The following ABCG2 variants were observed in gnomAD, a reference collection of about 807,000 sequenced individuals.
The protein encoded by ABCG2 is ATP binding cassette subfamily G member 2 (JR blood group), also known as broad substrate specificity ATP-binding cassette transporter ABCG2.
A neutral mutation model predicts 73.5 loss-of-function variants in ABCG2; 80 were observed. That is an observed-to-expected ratio of 1.09 (90% CI 0.91 to 1.31). The LOEUF (loss-of-function observed/expected upper bound fraction) is 1.31. Ranked by LOEUF, ABCG2 falls within the 50% of genes most tolerant of loss-of-function variation. The probability of loss-of-function intolerance (pLI) is 0.00; values close to 1 mark genes in which losing one functional copy is unlikely to be tolerated. For synonymous variants in ABCG2, 269 were observed against 282.4 expected, an observed-to-expected ratio of 0.95 and a Z score of 0.48; for missense variants, 796 against 786.2, an observed-to-expected ratio of 1.01 and a Z score of -0.15.
chr4:88,160,393 A>G (rs991475458), upstream of ABCG2, among the ~76,000 whole-genome samples: 1 of 152,194 alleles, frequency 6.6e-6, no homozygotes, highest in African/African-American at 2.4e-5. Context: ...ATGATACCAG[A>G]AAAAATGAAA....
intron 1 of ABCG2, among the ~76,000 whole-genome samples, chr4:88,207,896 T>A (rs572631618): frequency 6.6e-6 from 1 of 152,328 alleles, no homozygotes; most frequent in Non-Finnish European, 1.5e-5. Flanking sequence ...GATATTTTTG[T>A]TGGCTGAAAA....
chr4:88,097,593 C>T lies in ABCG2; in HGVS notation c.1507G>A (p.Ala503Thr). Residue 503 changes from alanine (A) to threonine (T), a missense_variant, in exon 13 of 16, where the codon GCA (alanine) becomes ACA (threonine). By Grantham distance (58) the Ala-to-Thr change is moderately conservative (BLOSUM62 0). Coordinates refer to ENST00000237612, the MANE Select transcript of ABCG2 (RefSeq NM_004827.3). Reference protein sequence around the residue: ...VYFMLGLKPKADAFFVMMFTL... With the variant: ...VYFMLGLKPKTDAFFVMMFTL... ...AACATCATAACGAAGAAGGCATCTG[C>T]CTTTGGCTTCAATCCTTAGTCAGAA... 1 of 1,613,942 alleles carries T rather than the reference C, an allele frequency of 6.2e-7. No homozygotes were observed. Among genetic ancestry groups the T allele is most frequent in the East Asian group, 2.2e-5 (1 of 44,856 alleles).
intron 1 of ABCG2, among the ~76,000 whole-genome samples, chr4:88,185,636 T>C (rs1437093845): frequency 6.6e-6 from 1 of 151,952 alleles, no homozygotes; most frequent in Non-Finnish European, 1.5e-5. Context: ...CCAGAATGTA[T>C]AAGGAACTGA....
chr4:88,223,439 C>T (rs1233423030), intron 1 of ABCG2, among the ~76,000 whole-genome samples: 1 of 152,124 alleles, frequency 6.6e-6, no homozygotes, highest in Non-Finnish European at 1.5e-5. Flanking sequence ...ACAGTGAGTT[C>T]TCATGAGATC....
At chr4:88,112,907 C>CT (rs1410746363) in intron 9 of ABCG2, among the ~76,000 whole-genome samples, 7 of 152,076 alleles carry the variant, frequency 4.6e-5, no homozygotes, top group African/African-American at 9.7e-5. Flanking sequence ...CCCACGAGTT[C>CT]AAGACCAGCC....
At chr4:88,122,430 C>T (rs2110023780) in intron 5 of ABCG2, among the ~76,000 whole-genome samples, 1 of 152,320 alleles carries the variant, frequency 6.6e-6, no homozygotes, top group South Asian at 2.1e-4. Flanking sequence ...GCTTGAAATT[C>T]TTACTGCCAG....
At chr4:88,152,156 G>C (rs1204749313) in intron 1 of ABCG2, among the ~76,000 whole-genome samples, 1 of 152,144 alleles carries the variant, frequency 6.6e-6, no homozygotes, top group Admixed American at 6.5e-5. Flanking sequence ...GCTCACATAT[G>C]CATTATTTGT....
At chr4:88,197,057 C>G (rs1728962030) in intron 1 of ABCG2, among the ~76,000 whole-genome samples, 1 of 151,890 alleles carries the variant, frequency 6.6e-6, no homozygotes, top group Non-Finnish European at 1.5e-5. Flanking sequence ...CCTAGGGGCA[C>G]AGGCTTACTA....
intron 9 of ABCG2, 97 bp from the exon 10 acceptor site, chr4:88,107,363 T>G (rs1722835274): frequency 2.5e-6 from 2 of 811,924 alleles, no homozygotes; most frequent in African/African-American, 3.5e-5. Flanking sequence ...GGTTACATAA[T>G]CAGATCTCTC....
chr4:88,102,238 T>C (rs1227422168), intron 10 of ABCG2, among the ~76,000 whole-genome samples: 1 of 152,202 alleles, frequency 6.6e-6, no homozygotes, highest in East Asian at 1.9e-4. Context: ...AAAAATCTAA[T>C]TTGTGTATCG....
intron 1 of ABCG2, among the ~76,000 whole-genome samples, chr4:88,155,177 T>C (rs994372028): frequency 2.6e-5 from 4 of 152,156 alleles, no homozygotes; most frequent in Admixed American, 2.6e-4. Context: ...TGAGTTTATA[T>C]AATGGCTTTG....
intron 12 of ABCG2, 135 bp from the exon 13 acceptor site, chr4:88,097,742 A>T: frequency 1.1e-6 from 1 of 903,444 alleles, no homozygotes; most frequent in South Asian, 1.8e-5. Context: ...CCACTCTCCA[A>T]CCACCCTCGG....
intron 1 of ABCG2, among the ~76,000 whole-genome samples, chr4:88,143,984 T>C (rs1485374176): frequency 2.0e-5 from 3 of 152,194 alleles, no homozygotes; most frequent in Non-Finnish European, 4.4e-5. Context: ...ACAACTACCT[T>C]TAAGCAAACA....
At chr4:88,107,525 C>CT (rs1722844597) in intron 9 of ABCG2, among the ~76,000 whole-genome samples, 1 of 152,196 alleles carries the variant, frequency 6.6e-6, no homozygotes, top group Non-Finnish European at 1.5e-5. Flanking sequence ...AAAAGCTGGA[C>CT]TTCCTCCCAT....
chr4:88,095,424 T>C, intron 14 of ABCG2, 96 bp downstream of exon 14: 1 of 1,149,964 alleles, frequency 8.7e-7, no homozygotes, highest in Non-Finnish European at 1.3e-6. Context: ...TGGGAGACTT[T>C]CACAGCTCAT....
intron 1 of ABCG2, among the ~76,000 whole-genome samples, chr4:88,175,661 T>TA (rs942567293): frequency 6.6e-6 from 1 of 152,232 alleles, no homozygotes; most frequent in African/African-American, 2.4e-5. Context: ...CAGTTACTCT[T>TA]ATTGATTCCC....
chr4:88,227,997 A>AT (rs1165197526), intron 1 of ABCG2, among the ~76,000 whole-genome samples: 1 of 152,120 alleles, frequency 6.6e-6, no homozygotes, highest in Non-Finnish European at 1.5e-5. Context: ...TGGGACCTTC[A>AT]TTTCTCCATT....
intron 1 of ABCG2, among the ~76,000 whole-genome samples, chr4:88,221,001 G>T (rs996443298): frequency 6.6e-6 from 1 of 152,140 alleles, no homozygotes; most frequent in Non-Finnish European, 1.5e-5. Context: ...GGGTACAGTG[G>T]CTCAAGCCTG....
At chr4:88,170,711 T>C (rs950603088) in intron 1 of ABCG2, among the ~76,000 whole-genome samples, 6 of 152,260 alleles carry the variant, frequency 3.9e-5, no homozygotes, top group African/African-American at 1.4e-4. Context: ...TTGCTGTCAA[T>C]GGATAATAAA....
Sources: allele counts gnomAD v4.1 joint callset (sites outside exome capture counted in the v4.1 genomes callset), GRCh38; gene constraint gnomAD v4.1.1; transcripts MANE v1.5; gene names NCBI Gene and HGNC (gene_info 2026-07-23, HGNC 2026-07-21).